The following CSGALNACT1 variants were observed in gnomAD, a reference collection of about 807,000 sequenced individuals.
The protein encoded by CSGALNACT1 is beta4GalNAcT-1.
Under a neutral mutation model 51.0 loss-of-function variants are expected in CSGALNACT1, and 52 were observed. That is an observed-to-expected ratio of 1.02 (90% CI 0.82 to 1.29). The LOEUF is 1.29. Ranked by LOEUF, CSGALNACT1 falls within the 50% of genes most tolerant of loss-of-function variation. CSGALNACT1 has a pLI of 0.00. For missense variants in CSGALNACT1, 935 were observed against 679.2 expected (o/e 1.38, Z -4.19); for synonymous variants, 341 against 254.4 (o/e 1.34, Z -3.24).
At chr8:19,521,407 G>C (rs1309510475) in intron 3 of CSGALNACT1, among the ~76,000 whole-genome samples, 1 of 152,230 alleles carries the variant, frequency 6.6e-6, no homozygotes, top group East Asian at 1.9e-4. Context: ...CAGGGGGCCG[G>C]CACGGTGACT....
intron 3 of CSGALNACT1, among the ~76,000 whole-genome samples, chr8:19,560,316 A>G (rs1178758316): frequency 6.6e-6 from 1 of 152,244 alleles, no homozygotes; most frequent in Admixed American, 6.5e-5. Context: ...AAATATATTC[A>G]TGACCTTGAG....
intron 1 of CSGALNACT1, among the ~76,000 whole-genome samples, chr8:19,729,967 C>T (rs1196005799): frequency 6.6e-6 from 1 of 152,158 alleles, no homozygotes; most frequent in Non-Finnish European, 1.5e-5. Context: ...AGCTCACCAG[C>T]AGAAGTAGGG....
chr8:19,469,685 C>G (rs1171745037), intron 4 of CSGALNACT1, among the ~76,000 whole-genome samples: 2 of 152,194 alleles, frequency 1.3e-5, no homozygotes, highest in Non-Finnish European at 2.9e-5. Context: ...GGTCTCCGCC[C>G]TGAAGCCACC....
intron 4 of CSGALNACT1, among the ~76,000 whole-genome samples, chr8:19,460,358 C>A (rs548792268): frequency 2.6e-5 from 4 of 152,134 alleles, no homozygotes; most frequent in African/African-American, 9.7e-5. Context: ...TTGTTAATCT[C>A]TTTCTGGGGG....
intron 1 of CSGALNACT1, among the ~76,000 whole-genome samples, chr8:19,720,486 T>C (rs369240329): frequency 4.4e-4 from 67 of 152,290 alleles, no homozygotes; most frequent in African/African-American, 1.4e-3. Flanking sequence ...CACTAAAATA[T>C]CACATTTATC....
intron 4 of CSGALNACT1, chr8:19,495,254 C>T (rs1389820193): frequency 6.6e-6 from 1 of 152,180 alleles, no homozygotes; most frequent in Non-Finnish European, 1.5e-5. Flanking sequence ...AAGCTTCTGA[C>T]AGTGAAATTT....
At chr8:19,634,965 T>C (rs1351407582) in intron 1 of CSGALNACT1, among the ~76,000 whole-genome samples, 2 of 152,238 alleles carry the variant, frequency 1.3e-5, no homozygotes, top group African/African-American at 4.8e-5. Context: ...TCAGACACCA[T>C]CTGAGTCAGG....
rs570816256 is a variant in CSGALNACT1 at position 19,513,687 on chromosome 8, T to C, written c.-296-7557A>G. ...AGTGTATTTTCACAAAGCTAGATGGTAGACCTACCGCACACCTGGGCCATA... is the reference window on the plus strand; with the variant it reads ...AGTGTATTTTCACAAAGCTAGATGGCAGACCTACCGCACACCTGGGCCATA... On this transcript the variant is annotated intron_variant, in intron 3 of 9. Coordinates refer to ENST00000454498, the Ensembl canonical transcript of CSGALNACT1. Among the ~76,000 whole-genome samples, 8 of 152,078 alleles carry C rather than the reference T, an allele frequency of 5.3e-5. No homozygotes were observed. The South Asian group carries it at 1.5e-3, about 28-fold the overall frequency.
At chr8:19,599,326 G>A (rs2049717267) in intron 2 of CSGALNACT1, among the ~76,000 whole-genome samples, 1 of 151,490 alleles carries the variant, frequency 6.6e-6, no homozygotes, top group African/African-American at 2.4e-5. Context: ...AAGATACAAG[G>A]TGGCCGTAAA....
rs186834894 is a variant in CSGALNACT1 at position 19,489,314 on chromosome 8, A to G, written c.634+15887T>C. On this transcript the variant is annotated intron_variant, in intron 4 of 9. Transcript: ENST00000454498. ...AGGAAATCATCACTATCCAATGTTT[A>G]TCAACCACCAATTATGGTGATTATT... Among the ~76,000 whole-genome samples, 36 of 152,354 alleles carry G rather than the reference A, an allele frequency of 2.4e-4. 1 individual carries two copies. In the East Asian group the frequency reaches 6.6e-3, roughly 28 times the overall value.
At chr8:19,496,447 T>G (rs1008549667) in intron 4 of CSGALNACT1, among the ~76,000 whole-genome samples, 2 of 152,198 alleles carry the variant, frequency 1.3e-5, no homozygotes, top group African/African-American at 4.8e-5. Flanking sequence ...TGTGAGGTTG[T>G]GGGAAGACGT....
chr8:19,665,793 G>A (rs1025768948), intron 1 of CSGALNACT1, among the ~76,000 whole-genome samples: 11 of 152,060 alleles, frequency 7.2e-5, no homozygotes, highest in African/African-American at 2.7e-4. Flanking sequence ...ATTACACCTG[G>A]GATAATGAAT....
At chr8:19,542,817 A>G (rs2085532368) in intron 3 of CSGALNACT1, among the ~76,000 whole-genome samples, 1 of 152,312 alleles carries the variant, frequency 6.6e-6, no homozygotes, top group Admixed American at 6.5e-5. Flanking sequence ...AACGGCATAA[A>G]TGGCTCTAAA....
chr8:19,704,544 A>G (rs1413671533), intron 1 of CSGALNACT1, among the ~76,000 whole-genome samples: 2 of 152,242 alleles, frequency 1.3e-5, no homozygotes, highest in East Asian at 3.9e-4. Flanking sequence ...AAATGGAACT[A>G]CTCTATGATC....
chr8:19,682,139 C>T (rs546632968), intron 1 of CSGALNACT1, among the ~76,000 whole-genome samples: 1 of 152,240 alleles, frequency 6.6e-6, no homozygotes, highest in South Asian at 2.1e-4. Flanking sequence ...TGTTTATTTA[C>T]CAGGATGGCA....
At chr8:19,718,219 A>G (rs575153306) in intron 1 of CSGALNACT1, among the ~76,000 whole-genome samples, 1 of 152,104 alleles carries the variant, frequency 6.6e-6, no homozygotes, top group African/African-American at 2.4e-5. Flanking sequence ...TCAGCCTCCC[A>G]AGTAGCTGGG....
At chr8:19,474,884 AAAGAAAAAAAAAAG>A (rs2069123870) in intron 4 of CSGALNACT1, among the ~76,000 whole-genome samples, 1 of 150,662 alleles carries the variant, frequency 6.6e-6, no homozygotes. Context: ...AAAAAAAAAA[AAAGAAAAAAAAAAG>A]AAAGCAACTT....
At chr8:19,718,959 T>C (rs924245631) in intron 1 of CSGALNACT1, among the ~76,000 whole-genome samples, 1 of 152,208 alleles carries the variant, frequency 6.6e-6, no homozygotes, top group Non-Finnish European at 1.5e-5. Context: ...TCTCTCACCG[T>C]TGTAAAGAGT....
At chr8:19,668,703 C>A (rs749379796) in intron 1 of CSGALNACT1, among the ~76,000 whole-genome samples, 1 of 152,108 alleles carries the variant, frequency 6.6e-6, no homozygotes, top group African/African-American at 2.4e-5. Flanking sequence ...TAAAGGCGAG[C>A]GCCACCATGC....
Sources: allele counts gnomAD v4.1 joint callset (sites outside exome capture counted in the v4.1 genomes callset), GRCh38; gene constraint gnomAD v4.1.1; transcripts MANE v1.5; gene names NCBI Gene and HGNC (gene_info 2026-07-23, HGNC 2026-07-21).